The following ROBO1 variants were observed in gnomAD, a reference collection of about 807,000 sequenced individuals.
ROBO1 encodes roundabout guidance receptor 1, also known as roundabout homolog 1.
A neutral mutation model predicts 195.9 loss-of-function variants in ROBO1; 149 were observed. That is an observed-to-expected ratio of 0.76 (90% confidence interval 0.67 to 0.87). The LOEUF is 0.87. ROBO1 is among the 40% of genes least tolerant of loss of function. ROBO1 has a pLI of 0.00. For synonymous variants in ROBO1, 816 were observed against 733.2 expected, an observed-to-expected ratio of 1.11 and a Z score of -1.82; for missense variants, 1,933 against 2,068.3, an observed-to-expected ratio of 0.93 and a Z score of 1.27.
chr3:78,917,883 A>G (rs1176458467), intron 4 of ROBO1, among the ~76,000 whole-genome samples: 5 of 152,204 alleles, frequency 3.3e-5, no homozygotes, highest in Non-Finnish European at 7.3e-5. Context: ...CTCAGCTTCC[A>G]TTCAGAAAAT....
At chr3:79,458,634 T>C (rs1575852585) in intron 2 of ROBO1, among the ~76,000 whole-genome samples, 1 of 151,784 alleles carries the variant, frequency 6.6e-6, no homozygotes, top group Non-Finnish European at 1.5e-5. Context: ...AGAAAAAATA[T>C]ATGGAGACGA....
At chr3:78,897,417 C>A (rs1025229751) in intron 4 of ROBO1, among the ~76,000 whole-genome samples, 3 of 152,166 alleles carry the variant, frequency 2.0e-5, no homozygotes, top group African/African-American at 7.2e-5. Context: ...GACTTGGAAT[C>A]GCTCTTATAT....
chr3:78,630,070 T>C (rs1044341385), intron 25 of ROBO1, among the ~76,000 whole-genome samples: 3 of 152,204 alleles, frequency 2.0e-5, no homozygotes, highest in Admixed American at 6.5e-5. Flanking sequence ...CTTAAAGAAA[T>C]ATATCTACGA....
chr3:79,011,565 C>T (rs950864152), intron 3 of ROBO1, among the ~76,000 whole-genome samples: 1 of 151,790 alleles, frequency 6.6e-6, no homozygotes, highest in African/African-American at 2.4e-5. Context: ...GCTTCAATCA[C>T]GTTAGTGCAG....
intron 1 of ROBO1, among the ~76,000 whole-genome samples, chr3:79,668,952 T>C (rs548535732): frequency 1.3e-5 from 2 of 152,030 alleles, no homozygotes; most frequent in African/African-American, 4.8e-5. Flanking sequence ...AACATTTTGG[T>C]CAACATGTGT....
At chr3:79,458,013 C>T (rs1392709991) in intron 2 of ROBO1, among the ~76,000 whole-genome samples, 2 of 152,084 alleles carry the variant, frequency 1.3e-5, no homozygotes, top group African/African-American at 4.8e-5. Flanking sequence ...AGTTTTCTAT[C>T]ACCCAATTCC....
chr3:78,661,845 C>T, intron 15 of ROBO1, 148 bp downstream of exon 15: 1 of 976,068 alleles, frequency 1.0e-6, no homozygotes, highest in Non-Finnish European at 1.5e-6. Flanking sequence ...CTGTTTAAAC[C>T]AAACTAATAG....
chr3:79,763,734 G>T (rs1704834925), intron 1 of ROBO1, among the ~76,000 whole-genome samples: 1 of 152,050 alleles, frequency 6.6e-6, no homozygotes, highest in East Asian at 1.9e-4. Context: ...ATAGGGGTGG[G>T]GTATATTTTC....
intron 2 of ROBO1, among the ~76,000 whole-genome samples, chr3:79,324,468 G>A (rs2034120760): frequency 6.6e-6 from 1 of 152,138 alleles, no homozygotes; most frequent in African/African-American, 2.4e-5. Context: ...GTGACAAGGT[G>A]GGAAGGGGAG....
At chr3:78,800,193 T>G (rs1178521303) in intron 4 of ROBO1, among the ~76,000 whole-genome samples, 1 of 152,160 alleles carries the variant, frequency 6.6e-6, no homozygotes, top group Non-Finnish European at 1.5e-5. Flanking sequence ...TAAAATGTAT[T>G]TTAAAATTCT....
At chr3:78,631,857 A>G (rs773448424) in intron 24 of ROBO1, among the ~76,000 whole-genome samples, 16 of 152,226 alleles carry the variant, frequency 1.1e-4, no homozygotes, top group Non-Finnish European at 2.4e-4. Flanking sequence ...AAGCAGAAAA[A>G]TGATTTTTAA....
chr3:78,827,246 T>C (rs543384951), intron 4 of ROBO1, among the ~76,000 whole-genome samples: 5 of 152,180 alleles, frequency 3.3e-5, no homozygotes, highest in Non-Finnish European at 7.3e-5. Context: ...GATTAAACTA[T>C]ATATTTTAGC....
At chr3:79,314,309 C>T (rs1042933200) in intron 2 of ROBO1, among the ~76,000 whole-genome samples, 4 of 152,122 alleles carry the variant, frequency 2.6e-5, no homozygotes, top group African/African-American at 7.2e-5. Flanking sequence ...ACTGTAATTC[C>T]TATAATCCCC....
intron 3 of ROBO1, among the ~76,000 whole-genome samples, chr3:78,951,174 G>A (rs1188225332): frequency 6.6e-6 from 1 of 151,760 alleles, no homozygotes. Flanking sequence ...AATCTCATAA[G>A]AGTACGGATG....
At chr3:79,163,893 G>C (rs1422529901) in intron 2 of ROBO1, among the ~76,000 whole-genome samples, 1 of 152,066 alleles carries the variant, frequency 6.6e-6, no homozygotes, top group Non-Finnish European at 1.5e-5. Flanking sequence ...TAAATCTTAG[G>C]AATATTGAAG....
chr3:79,717,352 T>C (rs1288184199), intron 1 of ROBO1, among the ~76,000 whole-genome samples: 1 of 151,952 alleles, frequency 6.6e-6, no homozygotes, highest in Non-Finnish European at 1.5e-5. Flanking sequence ...TGAGAGAACA[T>C]ACACTTTTAT....
chr3:78,651,575 A>G (rs1706661485), intron 19 of ROBO1, among the ~76,000 whole-genome samples, 157 bp downstream of exon 19: 1 of 152,230 alleles, frequency 6.6e-6, no homozygotes, highest in Non-Finnish European at 1.5e-5. Flanking sequence ...AGAAGTTAAT[A>G]TGTGGATACC....
At chr3:78,903,646 C>T (rs971956546) in intron 4 of ROBO1, among the ~76,000 whole-genome samples, 9 of 151,688 alleles carry the variant, frequency 5.9e-5, no homozygotes, top group African/African-American at 1.7e-4. Flanking sequence ...AGAAGAAATT[C>T]GACTTTATGT....
intron 2 of ROBO1, among the ~76,000 whole-genome samples, chr3:79,564,970 G>A (rs1196029850): frequency 6.6e-6 from 1 of 151,952 alleles, no homozygotes; most frequent in African/African-American, 2.4e-5. Flanking sequence ...ATGGCAAAAA[G>A]AAGCAATCAA....
Sources: gnomAD v4.1 joint callset for allele counts (sites outside exome capture counted in the v4.1 genomes callset) on GRCh38, gnomAD v4.1.1 for gene constraint, MANE v1.5 for transcripts, NCBI Gene and HGNC (gene_info 2026-07-23, HGNC 2026-07-21) for gene names.